The following DOCK4 variants were observed in gnomAD, a reference collection of about 807,000 sequenced individuals.
The protein encoded by DOCK4 is dedicator of cytokinesis protein 4.
In DOCK4, 97 loss-of-function variants were observed where a neutral mutation model predicts 268.1. The ratio of observed to expected loss-of-function variants is 0.36; its 90% CI spans 0.31 to 0.43. DOCK4 has a LOEUF of 0.43. DOCK4 is among the 20% of genes least tolerant of loss of function. DOCK4 has a pLI of 1.00. For synonymous variants in DOCK4, 954 were observed against 887.2 expected (o/e 1.08, Z -1.34); for missense variants, 2,145 against 2,455.7 (o/e 0.87, Z 2.67).
At position 112,070,608 on chromosome 7, in the gene DOCK4, C is replaced by T. The variant is rs573295558; in HGVS notation, c.38-66477G>A. ...CTGAAGCCCAGGAAAAAGGCCTGCC[C>T]AGAGACGGAGATTTGAAAACTGTAT... On this transcript the variant is annotated intron_variant, in intron 1 of 52. Transcript: ENST00000428084. Among the ~76,000 whole-genome samples, 10 of 152,082 alleles carry T rather than the reference C, an allele frequency of 6.6e-5. No homozygotes were observed. The South Asian group carries it at 2.1e-3, about 32-fold the overall frequency.
intron 30 of DOCK4, among the ~76,000 whole-genome samples, chr7:111,799,619 A>G (rs953882485): frequency 2.0e-5 from 3 of 152,222 alleles, no homozygotes; most frequent in Admixed American, 2.0e-4. Flanking sequence ...CTAAACATAA[A>G]TGTGAAGAAA....
intron 28 of DOCK4, 50 bp from the exon 29 acceptor site, chr7:111,809,451 A>T: frequency 1.4e-6 from 2 of 1,444,524 alleles, no homozygotes; most frequent in Non-Finnish European, 9.5e-7. Context: ...AAGCATATTG[A>T]CAGGTGAAGT....
chr7:112,061,435 A>G (rs1020837841), intron 1 of DOCK4, among the ~76,000 whole-genome samples: 3 of 152,110 alleles, frequency 2.0e-5, no homozygotes, highest in Admixed American at 6.6e-5. Context: ...TTTGGTTCAC[A>G]AGGTAGCTCA....
Position 111,872,565 on chromosome 7 carries a change from C to T in DOCK4, c.1745-1G>A, listed in dbSNP as rs1806515135. On this transcript the variant is annotated splice_acceptor_variant, in intron 17 of 52. Transcript: ENST00000428084. LOFTEE classifies it high-confidence loss of function. Reference sequence around the variant, plus strand: ...CATTTCAAAAGATCAAGCATATCACCTTTCAAAATAGAAAAGGAAGATTAA... The same window carrying T: ...CATTTCAAAAGATCAAGCATATCACTTTTCAAAATAGAAAAGGAAGATTAA... 1 of 1,583,500 alleles carries T rather than the reference C, an allele frequency of 6.3e-7. No homozygotes were observed. Among genetic ancestry groups the T allele is most frequent in the Admixed American group, 1.8e-5 (1 of 55,356 alleles).
At chr7:111,984,514 G>C (rs1798896110) in intron 6 of DOCK4, 124 bp from the exon 7 acceptor site, 4 of 745,918 alleles carry the variant, frequency 5.4e-6, no homozygotes, top group Non-Finnish European at 8.8e-6. Context: ...CTCTCACCTT[G>C]TATGACTTGT....
chr7:111,935,136 CG>C (rs1794625292), intron 12 of DOCK4, among the ~76,000 whole-genome samples: 1 of 151,450 alleles, frequency 6.6e-6, no homozygotes, highest in Non-Finnish European at 1.5e-5. Flanking sequence ...TTAGTAGAGA[CG>C]GGGTTTCACT....
intron 1 of DOCK4, among the ~76,000 whole-genome samples, chr7:112,121,829 T>C (rs1476499976): frequency 2.0e-4 from 30 of 152,196 alleles, no homozygotes; most frequent in Non-Finnish European, 4.4e-5. Context: ...ACTGCTCTTA[T>C]CAAAGTCATG....
chr7:111,936,847 T>TGAACATGA (rs1266869393), intron 11 of DOCK4, among the ~76,000 whole-genome samples: 1 of 152,180 alleles, frequency 6.6e-6, no homozygotes, highest in Non-Finnish European at 1.5e-5. Context: ...TTTTGCAGGA[T>TGAACATGA]GAACATGATG....
intron 7 of DOCK4, among the ~76,000 whole-genome samples, chr7:111,977,687 C>G (rs2135128257): frequency 6.6e-6 from 1 of 152,270 alleles, no homozygotes; most frequent in Admixed American, 6.5e-5. Context: ...AAGATGAGAA[C>G]AAATTATTAG....
intron 48 of DOCK4, 54 bp downstream of exon 48, chr7:111,739,342 A>T: frequency 6.3e-7 from 1 of 1,596,264 alleles, no homozygotes; most frequent in Non-Finnish European, 8.6e-7. Flanking sequence ...CACAGTTCCC[A>T]GGACTAGAAG....
chr7:112,197,826 C>A (rs1168486505), intron 1 of DOCK4, among the ~76,000 whole-genome samples: 1 of 152,046 alleles, frequency 6.6e-6, no homozygotes, highest in Non-Finnish European at 1.5e-5. Flanking sequence ...CTCTTCAGCA[C>A]AGAACTTCTC....
Position 112,056,623 on chromosome 7 carries a change from G to C in DOCK4, c.38-52492C>G, listed in dbSNP as rs79443525. ...AAAGACTGGAGTGCACCTGGGCCCA[G>C]CTAAGTGGATTTACAAACAAGATTA... On this transcript the variant is annotated intron_variant, in intron 1 of 52. Transcript: ENST00000428084. Among the ~76,000 whole-genome samples, 1,320 of 152,278 alleles carry C rather than the reference G, an allele frequency of 8.7e-3. 7 individuals carry two copies. Among genetic ancestry groups the C allele is most frequent in the Non-Finnish European group, 0.015 (1,003 of 68,026 alleles).
chr7:112,137,351 G>A (rs1366021872), intron 1 of DOCK4, among the ~76,000 whole-genome samples: 1 of 152,116 alleles, frequency 6.6e-6, no homozygotes, highest in Admixed American at 6.5e-5. Context: ...CCTGCTATGC[G>A]TCAAGGCCTC....
intron 45 of DOCK4, 147 bp from the exon 46 acceptor site, chr7:111,741,808 G>T: frequency 1.5e-6 from 2 of 1,302,798 alleles, no homozygotes; most frequent in Non-Finnish European, 2.0e-6. Flanking sequence ...GTATTATTTG[G>T]CTTTCCCTCA....
Position 111,868,017 on chromosome 7 carries a change from C to G in DOCK4, c.2247G>C (p.Glu749Asp), listed in dbSNP as rs763651377. 7.4e-6 allele frequency: 12 copies of G among 1,612,082 alleles called. No individual in the cohort carries two copies. Among genetic ancestry groups the G allele is most frequent in the Admixed American group, 5.0e-5 (3 of 59,650 alleles). ...GAGATAATGCTCCAGACCCTTTGCT[C>G]TCTTGCGAAAGAAAGAAACGGACTG... The part of the protein sequence containing the change: ...LMSVRFFLSQ[E>D]SKGSGALSQS... Residue 749 changes from glutamate to aspartate, a missense_variant, in exon 22 of 53, where the codon GAG becomes GAC. By Grantham distance (45) the Glu-to-Asp change is conservative. Around this residue, in one of 2 missense-constraint regions of DOCK4, gnomAD observed 1,598 missense variants for 1,986.7 expected, o/e 0.80. Coordinates refer to ENST00000428084, the MANE Select transcript of DOCK4 (RefSeq NM_001363540.2).
chr7:111,989,034 G>A lies in DOCK4; in HGVS notation c.445C>T (p.Arg149Trp), dbSNP rs371441977. ...ACTCACTCATTGCCCCAGTCAAGCC[G>A]GGCAGTAATGTGGCGCTTCACGTCC... ...MKDVKRHITA[R>W]LDWGNEQLGL... The change falls in exon 6 of 53, where the codon CGG (arginine) becomes TGG (tryptophan). Residue 149 changes from arginine (R) to tryptophan (W), a missense_variant. Arg to Trp is a moderately radical substitution (Grantham distance 101). Transcript: ENST00000428084. The A allele has an allele frequency of 4.1e-5, 66 of 1,612,526 alleles. No individual in the cohort carries two copies. Among genetic ancestry groups the A allele is most frequent in the South Asian group, 7.7e-5 (7 of 90,888 alleles).
At chr7:111,948,715 T>C (rs1795819398) in intron 8 of DOCK4, among the ~76,000 whole-genome samples, 1 of 151,702 alleles carries the variant, frequency 6.6e-6, no homozygotes, top group Admixed American at 6.6e-5. Flanking sequence ...CTGCCTCAGC[T>C]TCCTGAGTAG....
intron 16 of DOCK4, among the ~76,000 whole-genome samples, chr7:111,889,839 T>G (rs192635952): frequency 1.3e-5 from 2 of 152,176 alleles, no homozygotes; most frequent in Non-Finnish European, 2.9e-5. Context: ...TTTTCCTTCT[T>G]GAATGCCTTG....
intron 1 of DOCK4, among the ~76,000 whole-genome samples, chr7:112,160,289 T>C (rs1404422482): frequency 6.6e-6 from 1 of 152,186 alleles, no homozygotes; most frequent in Non-Finnish European, 1.5e-5. Context: ...AAGATGTTTC[T>C]TTTGAAAACA....
Sources: gnomAD v4.1 joint callset for allele counts (sites outside exome capture counted in the v4.1 genomes callset) on GRCh38, gnomAD v4.1.1 for gene constraint, gnomAD v4.1.1 regional missense constraint, MANE v1.5 for transcripts, NCBI Gene and HGNC (gene_info 2026-07-23, HGNC 2026-07-21) for gene names.